Variants in ABAT observed in about 807,000 individuals in gnomAD.
ABAT encodes the protein 4-aminobutyrate aminotransferase, mitochondrial.
Under a neutral mutation model 64.6 loss-of-function variants are expected in ABAT, and 45 were observed. The observed-to-expected ratio is 0.70, with a 90% CI of 0.55 to 0.89. ABAT has a LOEUF of 0.89. ABAT is among the 40% of genes least tolerant of loss of function. The pLI is 0.00. For missense variants in ABAT, 633 were observed against 658.4 expected (o/e 0.96, Z 0.42); for synonymous variants, 297 against 250.5 (o/e 1.19, Z -1.75).
chr16:8,757,454 C>A (rs1462861478), intron 5 of ABAT: 1 of 394,216 alleles, frequency 2.5e-6, no homozygotes, highest in Non-Finnish European at 4.8e-6. Context: ...AGGTGTGAGC[C>A]ACCACACGTG....
At chr16:8,740,885 T>TA (rs1386917815) in intron 2 of ABAT, among the ~76,000 whole-genome samples, 2 of 152,200 alleles carry the variant, frequency 1.3e-5, no homozygotes, top group Non-Finnish European at 2.9e-5. Context: ...CAGGAGCAGA[T>TA]AAAAAAAATT....
chr16:8,698,625 C>T (rs1054877383), intron 1 of ABAT, among the ~76,000 whole-genome samples: 1 of 152,130 alleles, frequency 6.6e-6, no homozygotes, highest in East Asian at 1.9e-4. Flanking sequence ...TGAGCCACTG[C>T]GCCCGGCCTT....
At chr16:8,696,546 G>C (rs980364756) in intron 1 of ABAT, among the ~76,000 whole-genome samples, 1 of 152,190 alleles carries the variant, frequency 6.6e-6, no homozygotes, top group East Asian at 1.9e-4. Context: ...CTTGAAAGGA[G>C]GCAGAGGTTG....
At chr16:8,700,318 G>A (rs534798460) in intron 1 of ABAT, among the ~76,000 whole-genome samples, 1 of 152,240 alleles carries the variant, frequency 6.6e-6, no homozygotes, top group Admixed American at 6.5e-5. Flanking sequence ...CCTTTTATCT[G>A]TAAGTTGATG....
chr16:8,781,562 A>T lies in ABAT; in HGVS notation c.*132A>T. 1.1e-6 allele frequency: 1 copy of T among 879,388 alleles called. No individual in the cohort carries two copies. The highest frequency in any genetic ancestry group is 1.6e-6 in the Non-Finnish European group (1 of 607,102). The allele number at this position is 879,388 out of a possible 1,614,324, so 54.5% of individuals were successfully genotyped here. A position where few individuals can be genotyped will look rare whatever the true frequency, so the allele number is the denominator to read the frequency against. ...AGTGAAGGGTGATTTGTGGGGAGGG[A>T]GCATTTTTGGTGGTCTTGGGGGAGG... On this transcript the variant is annotated 3_prime_UTR_variant, in exon 16 of 16. Coordinates refer to ENST00000268251, the MANE Select transcript of ABAT (RefSeq NM_020686.6). This position sits in a 1 kb window ranked among gnomAD's most constrained non-coding sequence, Gnocchi z 4.5.
intron 1 of ABAT, among the ~76,000 whole-genome samples, chr16:8,697,364 C>T (rs2057726051): frequency 6.6e-6 from 1 of 152,126 alleles, no homozygotes; most frequent in South Asian, 2.1e-4. Flanking sequence ...AAAATAATCC[C>T]TATGGCTGCT....
At chr16:8,709,489 T>G (rs932555035) in intron 1 of ABAT, among the ~76,000 whole-genome samples, 1 of 152,096 alleles carries the variant, frequency 6.6e-6, no homozygotes, top group African/African-American at 2.4e-5. Flanking sequence ...TTCTCCTGCT[T>G]CAACCTCCAG....
At chr16:8,717,417 A>AAAATGT (rs1329801790) in intron 1 of ABAT, among the ~76,000 whole-genome samples, 1 of 152,246 alleles carries the variant, frequency 6.6e-6, no homozygotes, top group Non-Finnish European at 1.5e-5. Context: ...TGGCTACCAG[A>AAAATGT]AAATGTAAAA....
At chr16:8,742,211 C>G (rs1483955438) in intron 2 of ABAT, among the ~76,000 whole-genome samples, 1 of 152,152 alleles carries the variant, frequency 6.6e-6, no homozygotes, top group Non-Finnish European at 1.5e-5. Context: ...TGCTCATTAT[C>G]GCAGTTCCAC....
intron 9 of ABAT, among the ~76,000 whole-genome samples, chr16:8,767,706 G>A (rs901379536): frequency 5.3e-5 from 8 of 152,114 alleles, no homozygotes; most frequent in African/African-American, 1.9e-4. Flanking sequence ...ACAGAGTCTC[G>A]CTCTTGTTGA....
chr16:8,758,773 G>A (rs528178266), intron 6 of ABAT, among the ~76,000 whole-genome samples: 29 of 152,260 alleles, frequency 1.9e-4, no homozygotes, highest in African/African-American at 5.8e-4. Flanking sequence ...GTCTCTATCC[G>A]AAGAGAGATA....
At chr16:8,778,227 C>A (rs77245798) in intron 14 of ABAT, among the ~76,000 whole-genome samples, 1 of 152,152 alleles carries the variant, frequency 6.6e-6, no homozygotes, top group Non-Finnish European at 1.5e-5. Flanking sequence ...TCACCACAAA[C>A]TGTGTGGGTT....
chr16:8,689,775 G>C (rs895352043), intron 1 of ABAT, among the ~76,000 whole-genome samples: 2 of 152,142 alleles, frequency 1.3e-5, no homozygotes, highest in Non-Finnish European at 2.9e-5. Flanking sequence ...AAGCATTTTG[G>C]GTGGTGGGAA....
chr16:8,765,057 C>T (rs368567390), intron 8 of ABAT, among the ~76,000 whole-genome samples: 1 of 152,032 alleles, frequency 6.6e-6, no homozygotes. Flanking sequence ...GGGGGCTGGG[C>T]GCAGTCGTTC....
intron 1 of ABAT, among the ~76,000 whole-genome samples, chr16:8,681,177 G>A (rs560779110): frequency 2.6e-5 from 4 of 152,106 alleles, no homozygotes; most frequent in South Asian, 2.1e-4. Context: ...TTGTTGTTGA[G>A]ATGGAGTCTC....
At chr16:8,701,239 T>G (rs962218967) in intron 1 of ABAT, among the ~76,000 whole-genome samples, 4 of 152,244 alleles carry the variant, frequency 2.6e-5, no homozygotes, top group Non-Finnish European at 5.9e-5. Context: ...AGTCTTGACC[T>G]TAATTCTTTA....
chr16:8,687,258 C>A (rs1451973904), intron 1 of ABAT, among the ~76,000 whole-genome samples: 1 of 152,220 alleles, frequency 6.6e-6, no homozygotes, highest in Non-Finnish European at 1.5e-5. Flanking sequence ...AGAAGCTGAG[C>A]TCCGGTCTGT....
intron 2 of ABAT, chr16:8,736,866 G>C (rs1596442324): frequency 6.6e-6 from 1 of 152,144 alleles, no homozygotes; most frequent in African/African-American, 2.4e-5. Flanking sequence ...TGTGGCTCTG[G>C]AGACAGAGCC....
chr16:8,717,011 C>T lies in ABAT; in HGVS notation c.-41-18688C>T, dbSNP rs114747779. Reference sequence around the variant, plus strand: ...TCTTATTAATAACTATATTGATGGCCGGGCACGGTAGCTCGCGTCTGTAAT... The same window carrying T: ...TCTTATTAATAACTATATTGATGGCTGGGCACGGTAGCTCGCGTCTGTAAT... On this transcript the variant is annotated intron_variant, in intron 1 of 15. Transcript: ENST00000268251. Among the ~76,000 whole-genome samples, 442 of 152,252 alleles carry T rather than the reference C, an allele frequency of 2.9e-3. 1 individual carries two copies. Among genetic ancestry groups the T allele is most frequent in the African/African-American group, 0.01 (425 of 41,554 alleles).
Sources: allele counts gnomAD v4.1 joint callset (sites outside exome capture counted in the v4.1 genomes callset), GRCh38; gene constraint gnomAD v4.1.1; non-coding constraint Gnocchi (gnomAD v3.1); transcripts MANE v1.5; gene names NCBI Gene and HGNC (gene_info 2026-07-23, HGNC 2026-07-21).